The following EP400 variants were observed in gnomAD, a reference collection of about 807,000 sequenced individuals.
EP400 encodes E1A binding protein p400.
EP400 carries 105 observed loss-of-function variants against 354.1 expected under a neutral mutation model. The ratio of observed to expected loss-of-function variants is 0.30; its 90% CI spans 0.25 to 0.35. The LOEUF is 0.35. Ranked by LOEUF, EP400 falls within the 10% of genes least tolerant of loss-of-function variation. The probability of loss-of-function intolerance (pLI) is 1.00; values close to 1 mark genes in which losing one functional copy is unlikely to be tolerated. For synonymous variants in EP400, 1,646 were observed against 1,716.9 expected, an observed-to-expected ratio of 0.96 and a Z score of 1.02; for missense variants, 3,280 against 4,121.0, an observed-to-expected ratio of 0.80 and a Z score of 5.59.
intron 2 of EP400, 92 bp downstream of exon 2, chr12:131,962,046 C>CGGTATTTCTAA: frequency 1.4e-6 from 2 of 1,424,504 alleles, no homozygotes; most frequent in Non-Finnish European, 1.9e-6. Flanking sequence ...ATTGAGCCTG[C>CGGTATTTCTAA]GGTATTTCTA....
intron 47 of EP400, among the ~76,000 whole-genome samples, chr12:132,064,028 C>A (rs966922196): frequency 1.4e-5 from 2 of 146,940 alleles, no homozygotes; most frequent in Non-Finnish European, 3.0e-5. Flanking sequence ...CTGATGACCC[C>A]CCCCCGGCCC....
In EP400 at chr12:131,992,159, T is replaced by C. The variant is rs116843201; in HGVS notation, c.2680-14T>C. On this transcript the variant is annotated splice_polypyrimidine_tract_variant and intron_variant, in intron 10 of 52. Transcript: ENST00000389561. Reference sequence around the variant, plus strand: ...TGGATCTCATGCTTGTGGTTTTTCTTTCTTTTCTTTCAGGATTCAGGAATG... The same window carrying C: ...TGGATCTCATGCTTGTGGTTTTTCTCTCTTTTCTTTCAGGATTCAGGAATG... 9.1e-4 allele frequency: 1,468 copies of C among 1,604,684 alleles called. 20 individuals are homozygous for C. In the East Asian group the frequency reaches 0.027, roughly 30 times the overall value.
intron 12 of EP400, among the ~76,000 whole-genome samples, chr12:132,004,442 T>A (rs1312390496): frequency 6.6e-6 from 1 of 152,224 alleles, no homozygotes; most frequent in Non-Finnish European, 1.5e-5. Flanking sequence ...AAAAAAAGCT[T>A]AATTATGTTT....
At position 131,990,591 on chromosome 12, in the gene EP400, C is replaced by A; in HGVS notation, c.2551-45C>A. 7.1e-7 allele frequency: 1 copy of A among 1,416,892 alleles called. No individual in the cohort carries two copies. The allele number at this position is 1,416,892 out of a possible 1,614,324, so 87.8% of individuals were successfully genotyped here. The stretch of plus-strand genomic sequence containing the variant: ...TTTTGTATGCAGAACGTCTGTAATT[C>A]CCATCCTTAGTAATGTGCTTATTCA... On this transcript the variant is annotated intron_variant, in intron 8 of 52. Transcript: ENST00000389561. The surrounding 1 kb of genome is among the most constrained non-coding windows in gnomAD (Gnocchi z 4.2).
At chr12:131,964,386 G>A (rs1241913600) in intron 2 of EP400, among the ~76,000 whole-genome samples, 3 of 152,172 alleles carry the variant, frequency 2.0e-5, no homozygotes, top group Admixed American at 1.3e-4. Flanking sequence ...AGAATTGCTT[G>A]AACCTGGGAG....
chr12:131,989,760 TC>T (rs1892970070), intron 7 of EP400, among the ~76,000 whole-genome samples: 1 of 152,186 alleles, frequency 6.6e-6, no homozygotes, highest in African/African-American at 2.4e-5. Flanking sequence ...AAAAACACTT[TC>T]TAGAAAAGTC....
At chr12:131,962,594 A>G (rs1269435277) in intron 2 of EP400, among the ~76,000 whole-genome samples, 1 of 152,182 alleles carries the variant, frequency 6.6e-6, no homozygotes. Context: ...CTTTAAACTC[A>G]TTTTTACAAA....
chr12:131,993,015 T>TC (rs1893093007), intron 11 of EP400, among the ~76,000 whole-genome samples: 1 of 152,214 alleles, frequency 6.6e-6, no homozygotes, highest in African/African-American at 2.4e-5. Context: ...AGTATTCAGT[T>TC]CTGCTGCGTA....
intron 5 of EP400, among the ~76,000 whole-genome samples, chr12:131,982,734 C>T (rs1647365597): frequency 2.0e-5 from 3 of 152,160 alleles, no homozygotes; most frequent in African/African-American, 7.2e-5. Flanking sequence ...CTTTGGGAGG[C>T]TGAGGCGGGT....
In EP400 at chr12:132,018,161, C is replaced by CT. The variant is rs34538440; in HGVS notation, c.4111-42dup. On this transcript the variant is annotated intron_variant, in intron 20 of 52. Coordinates refer to ENST00000389561, the MANE Select transcript of EP400 (RefSeq NM_015409.5). This position sits in a 1 kb window ranked among gnomAD's most constrained non-coding sequence, Gnocchi z 4.0. Reference sequence around the variant, plus strand: ...AGAAATCAGTTTTGATTCTTAGGTGCTTTTTTTGCCTCTTCATGCAGCAAG... The same window carrying CT: ...AGAAATCAGTTTTGATTCTTAGGTGCTTTTTTTTGCCTCTTCATGCAGCAAG... The CT allele has an allele frequency of 4.4e-6, 7 of 1,598,914 alleles. No homozygotes were observed. The highest frequency in any genetic ancestry group is 2.3e-5 in the South Asian group (2 of 87,986).
chr12:132,041,876 G>C (rs1431280434), intron 32 of EP400, among the ~76,000 whole-genome samples: 2 of 151,534 alleles, frequency 1.3e-5, no homozygotes, highest in Non-Finnish European at 2.9e-5. Context: ...CTGGCAGTTT[G>C]AGTACTTTTT....
At position 132,050,722 on chromosome 12, in the gene EP400, C is replaced by T. The variant is rs756596559; in HGVS notation, c.7394+67C>T. On this transcript the variant is annotated intron_variant, in intron 41 of 52. Transcript: ENST00000389561. The surrounding 1 kb of genome is among the most constrained non-coding windows in gnomAD (Gnocchi z 4.8). ...ATTTCATTCCAGTGTCATCTAAGTTCAGTGAGTTCAGCAAATCGTTGTGCA... is the reference window on the plus strand; with the variant it reads ...ATTTCATTCCAGTGTCATCTAAGTTTAGTGAGTTCAGCAAATCGTTGTGCA... The T allele has an allele frequency of 3.0e-5, 48 of 1,586,718 alleles. No individual in the cohort carries two copies. Among genetic ancestry groups the T allele is most frequent in the Non-Finnish European group, 4.0e-5 (46 of 1,156,032 alleles).
Position 132,077,431 on chromosome 12 carries a change from G to A in EP400, c.9130G>A (p.Ala3044Thr). ...TCCACAGACTGTGGCGCTCACGCAGGCGACGGCGGCCGGGCAGCAGGTGCA... is the reference window on the plus strand; with the variant it reads ...TCCACAGACTGTGGCGCTCACGCAGACGACGGCGGCCGGGCAGCAGGTGCA... Reference protein sequence around the residue: ...ASPQTVALTQATAAGQQVQMI... With the variant: ...ASPQTVALTQTTAAGQQVQMI... Residue 3044 changes from alanine (A) to threonine (T), a missense_variant, in exon 53 of 53, where the codon GCG becomes ACG. Around this residue, in one of 20 missense-constraint regions of EP400, gnomAD observed 279 missense variants for 386.7 expected, o/e 0.72. Coordinates refer to ENST00000389561, the MANE Select transcript of EP400 (RefSeq NM_015409.5). The A allele has an allele frequency of 6.2e-7, 1 of 1,612,662 alleles. No homozygotes were observed. Among genetic ancestry groups the A allele is most frequent in the Non-Finnish European group, 8.5e-7 (1 of 1,179,880 alleles).
At chr12:132,011,470 G>A (rs369611102) in intron 15 of EP400, 28 bp from the exon 16 acceptor site, 21 of 1,611,142 alleles carry the variant, frequency 1.3e-5, no homozygotes, top group Middle Eastern at 1.6e-4. Flanking sequence ...ATACTTTGAC[G>A]TGGAAAATTC....
At chr12:132,019,541 A>C (rs551171775) in intron 21 of EP400, among the ~76,000 whole-genome samples, 27 of 147,686 alleles carry the variant, frequency 1.8e-4, no homozygotes, top group South Asian at 1.7e-3. Context: ...CTGTCTCTCC[A>C]AAAAAAAAAA....
chr12:131,958,001 T>C (rs1401618184), intron 1 of EP400, among the ~76,000 whole-genome samples: 1 of 152,228 alleles, frequency 6.6e-6, no homozygotes, highest in Non-Finnish European at 1.5e-5. Context: ...ACCCTTACCT[T>C]TCCCCTGGTT....
intron 45 of EP400, among the ~76,000 whole-genome samples, chr12:132,058,205 C>T (rs1464765634): frequency 6.6e-6 from 1 of 152,060 alleles, no homozygotes; most frequent in Non-Finnish European, 1.5e-5. Context: ...GCATGTTGTT[C>T]TGTTTGAATG....
chr12:132,007,737 G>T (rs772582633), intron 15 of EP400, among the ~76,000 whole-genome samples: 1 of 152,214 alleles, frequency 6.6e-6, no homozygotes, highest in Admixed American at 6.5e-5. Flanking sequence ...GAGAAGAGGG[G>T]ATTTGGCCTT....
At chr12:132,033,738 C>G (rs568153191) in intron 30 of EP400, among the ~76,000 whole-genome samples, 1 of 152,042 alleles carries the variant, frequency 6.6e-6, no homozygotes, top group East Asian at 1.9e-4. Context: ...TGCTGTGTTG[C>G]CCAGGCTGGT....
Sources: allele counts gnomAD v4.1 joint callset (sites outside exome capture counted in the v4.1 genomes callset), GRCh38; gene constraint gnomAD v4.1.1; regional missense constraint gnomAD v4.1.1; non-coding constraint Gnocchi (gnomAD v3.1); transcripts MANE v1.5; gene names NCBI Gene and HGNC (gene_info 2026-07-23, HGNC 2026-07-21).